DND1: variants seen among roughly 807,000 people sequenced by gnomAD.
DND1 encodes the protein DND microRNA-mediated repression inhibitor 1.
A neutral mutation model predicts 30.4 loss-of-function variants in DND1; 6 were observed. The ratio of observed to expected loss-of-function variants is 0.20; its 90% CI spans 0.11 to 0.39. The LOEUF (loss-of-function observed/expected upper bound fraction) is 0.39. DND1 is among the 10% of genes least tolerant of loss of function. The pLI is 1.00. For missense variants in DND1, 358 were observed against 474.9 expected (o/e 0.75, Z 2.29); for synonymous variants, 178 against 210.4 (o/e 0.85, Z 1.33).
intron 2 of DND1, 75 bp downstream of exon 2, chr5:140,673,196 T>A (rs974157339): frequency 1.3e-6 from 2 of 1,519,108 alleles, no homozygotes; most frequent in African/African-American, 1.4e-5. Flanking sequence ...TTTCTGACAG[T>A]GAAGGCTCGG....
intron 3 of DND1, 121 bp from the exon 4 acceptor site, chr5:140,671,871 A>G: frequency 8.9e-7 from 1 of 1,125,532 alleles, no homozygotes; most frequent in Non-Finnish European, 1.3e-6. Context: ...TGGTAGTGTG[A>G]CCATGGGTAA....
intron 3 of DND1, 38 bp downstream of exon 3, chr5:140,672,407 C>A (rs1232379438): frequency 6.4e-7 from 1 of 1,552,024 alleles, no homozygotes; most frequent in Non-Finnish European, 8.7e-7. Context: ...CCGGGCAGAA[C>A]GCGTTTGGCC....
chr5:140,672,960 G>A (rs1257820921), intron 2 of DND1, 54 bp from the exon 3 acceptor site: 16 of 1,527,264 alleles, frequency 1.0e-5, no homozygotes, highest in Non-Finnish European at 8.8e-6. Context: ...CGAATTCTGA[G>A]CCCACGGACC....
chr5:140,671,484 G>T lies in DND1; in HGVS notation c.871C>A (p.Gln291Lys), dbSNP rs1348156640. The change falls in exon 4 of 4, where the codon CAG becomes AAG. Residue 291 changes from glutamine to lysine, a missense_variant. Coordinates refer to ENST00000542735, the MANE Select transcript of DND1 (RefSeq NM_194249.3). ...ACCGGATGCCCAGGAATCACCACCTGGTACCAGAAGCGGTGCCAGCCAGCA... is the reference window on the plus strand; with the variant it reads ...ACCGGATGCCCAGGAATCACCACCTTGTACCAGAAGCGGTGCCAGCCAGCA... ...GPAGWHRFWY[Q>K]VVIPGHPVPF... is the part of the protein sequence containing the mutation. 1 of 1,602,204 alleles carries T rather than the reference G, an allele frequency of 6.2e-7. No individual in the cohort carries two copies. The highest frequency in any genetic ancestry group is 8.5e-7 in the Non-Finnish European group (1 of 1,175,970).
In DND1 at chr5:140,673,570, T is replaced by G; in HGVS notation, c.-28A>C. 2 of 1,558,768 alleles carry G rather than the reference T, an allele frequency of 1.3e-6. No individual in the cohort carries two copies. Among genetic ancestry groups the G allele is most frequent in the Non-Finnish European group, 1.7e-6 (2 of 1,150,694 alleles). ...CTCTCCAGCTGGCCCCCTCGTACCCTCTTTATAACTTCCTCCCCACCGGCC... is the reference window on the plus strand; with the variant it reads ...CTCTCCAGCTGGCCCCCTCGTACCCGCTTTATAACTTCCTCCCCACCGGCC... On this transcript the variant is annotated 5_prime_UTR_variant, in exon 1 of 4. Transcript: ENST00000542735.
chr5:140,671,791 G>C, intron 3 of DND1, 41 bp from the exon 4 acceptor site: 1 of 1,550,364 alleles, frequency 6.5e-7, no homozygotes, highest in African/African-American at 1.4e-5. Flanking sequence ...TCTAAACCCT[G>C]GGCCCAAGCC....
chr5:140,671,924 A>G, intron 3 of DND1, 174 bp from the exon 4 acceptor site: 2 of 716,122 alleles, frequency 2.8e-6, no homozygotes, highest in Non-Finnish European at 4.7e-6. Context: ...TTGCAAAGGG[A>G]GTATAACACA....
chr5:140,672,210 G>A (rs569601282), intron 3 of DND1: 17 of 591,110 alleles, frequency 2.9e-5, no homozygotes, highest in African/African-American at 2.4e-4. Context: ...TGCGGTGTGG[G>A]GGTGGGGGAA....
intron 2 of DND1, 68 bp from the exon 3 acceptor site, chr5:140,672,974 C>T: frequency 6.7e-7 from 1 of 1,494,136 alleles, no homozygotes. Flanking sequence ...ACGGACCCAG[C>T]GCGCGGGGGT....
intron 3 of DND1, chr5:140,672,088 A>G (rs776602640): frequency 5.3e-5 from 29 of 542,974 alleles, no homozygotes; most frequent in African/African-American, 4.3e-4. Context: ...CTTAATTCTC[A>G]TAACAGTCTG....
chr5:140,673,495 GCCC>G (rs763840956), intron 1 of DND1, 21 bp downstream of exon 1: 46 of 1,606,086 alleles, frequency 2.9e-5, no homozygotes, highest in Middle Eastern at 1.7e-4. Context: ...GGGCTCGCCG[GCCC>G]CCAAGTCGCC....
Position 140,672,684 on chromosome 5 carries a change from G to T in DND1, c.365C>A (p.Pro122Gln). The change falls in exon 3 of 4, where the codon CCG becomes CAG. Residue 122 changes from proline to glutamine, a missense_variant. This residue lies in a region of DND1 where 120 missense variants were observed against 199.1 expected (regional missense o/e 0.60). Coordinates refer to ENST00000542735, the MANE Select transcript of DND1 (RefSeq NM_194249.3). ...GAGCAGCGGGCAGGACGGCCGCAGC[G>T]GATGGTTGTGCAGCGTGGCGATGGC... ...QAAIATLHNH[P>Q]LRPSCPLLVC... is the part of the protein sequence containing the mutation. 6.3e-7 allele frequency: 1 copy of T among 1,581,736 alleles called. No homozygotes were observed.
rs1758080117 is a variant in DND1 at position 140,671,721 on chromosome 5, C to T, written c.634G>A (p.Ala212Thr). ...GQSHLCGEQV[A>T]VEWLKPDLKQ... is the part of the protein sequence containing the mutation. Reference sequence around the variant, plus strand: ...AGGTCTGGCTTGAGCCACTCCACAGCCACCTGCTCTCCACAGAGGTGTGAC... The same window carrying T: ...AGGTCTGGCTTGAGCCACTCCACAGTCACCTGCTCTCCACAGAGGTGTGAC... The change falls in exon 4 of 4, where the codon GCT (alanine) becomes ACT (threonine). Residue 212 changes from alanine to threonine, a missense_variant. By Grantham distance (58) the Ala-to-Thr change is moderately conservative. This residue lies in a region of DND1 where 176 missense variants were observed against 235.2 expected (regional missense o/e 0.75). Coordinates refer to ENST00000542735, the MANE Select transcript of DND1 (RefSeq NM_194249.3). 1 of 1,580,368 alleles carries T rather than the reference C, an allele frequency of 6.3e-7. No individual in the cohort carries two copies. Among genetic ancestry groups the T allele is most frequent in the Non-Finnish European group, 8.6e-7 (1 of 1,162,752 alleles).
At chr5:140,671,812 G>C in intron 3 of DND1, 62 bp from the exon 4 acceptor site, 1 of 1,500,096 alleles carries the variant, frequency 6.7e-7, no homozygotes, top group Admixed American at 2.0e-5. Context: ...TCCAGGTGGT[G>C]AGCCCTTTGG....
intron 3 of DND1, 51 bp from the exon 4 acceptor site, chr5:140,671,801 C>A: frequency 1.9e-6 from 3 of 1,545,770 alleles, no homozygotes; most frequent in Non-Finnish European, 2.6e-6. Context: ...GGGCCCAAGC[C>A]TCCAGGTGGT....
In DND1 at chr5:140,671,217, C is replaced by T; in HGVS notation, c.*76G>A. On this transcript the variant is annotated 3_prime_UTR_variant, in exon 4 of 4. Coordinates refer to ENST00000542735, the MANE Select transcript of DND1 (RefSeq NM_194249.3). ...CCACCTTTGGGGGTCAGAAAGTGGCCACCCAGGCCTGCTGGGATGGGGCCT... is the reference window on the plus strand; with the variant it reads ...CCACCTTTGGGGGTCAGAAAGTGGCTACCCAGGCCTGCTGGGATGGGGCCT... 1 of 1,591,898 alleles carries T rather than the reference C, an allele frequency of 6.3e-7. No homozygotes were observed. The highest frequency in any genetic ancestry group is 8.6e-7 in the Non-Finnish European group (1 of 1,162,830).
rs1481714750 is a variant in DND1 at position 140,671,225 on chromosome 5, C to A, written c.*68G>T. 1 of 1,602,528 alleles carries A rather than the reference C, an allele frequency of 6.2e-7. No individual in the cohort carries two copies. ...GGGGGTCAGAAAGTGGCCACCCAGG[C>A]CTGCTGGGATGGGGCCTGACACAGG... On this transcript the variant is annotated 3_prime_UTR_variant, in exon 4 of 4. Coordinates refer to ENST00000542735, the MANE Select transcript of DND1 (RefSeq NM_194249.3).
chr5:140,671,825 C>T, intron 3 of DND1, 75 bp from the exon 4 acceptor site: 1 of 1,455,460 alleles, frequency 6.9e-7, no homozygotes, highest in Non-Finnish European at 9.4e-7. Context: ...CCCTTTGGAG[C>T]TACACAGTCC....
Position 140,673,536 on chromosome 5 carries a change from A to C in DND1, c.7T>G (p.Ser3Ala). The C allele has an allele frequency of 6.3e-7, 1 of 1,583,984 alleles. No individual in the cohort carries two copies. Among genetic ancestry groups the C allele is most frequent in the Non-Finnish European group, 8.6e-7 (1 of 1,164,514 alleles). The change falls in exon 1 of 4, where the codon TCC becomes GCC. Residue 3 changes from serine (S) to alanine (A), a missense_variant. Ser to Ala is a moderately conservative substitution (Grantham distance 99). Coordinates refer to ENST00000542735, the MANE Select transcript of DND1 (RefSeq NM_194249.3). ...CCGCTTACCTCACAATCCCGCTTGG[A>C]CTGCATGGCTCTCCAGCTGGCCCCC... Reference protein sequence around the residue: MQSKRDCELWCER... With the variant: MQAKRDCELWCER...
Sources: gnomAD v4.1 joint callset for allele counts on GRCh38, gnomAD v4.1.1 for gene constraint, gnomAD v4.1.1 regional missense constraint, MANE v1.5 for transcripts, NCBI Gene and HGNC (gene_info 2026-07-23, HGNC 2026-07-21) for gene names.